SYT9: variants seen among roughly 807,000 people sequenced by gnomAD.
SYT9 encodes synaptotagmin 9.
Under a neutral mutation model 48.4 loss-of-function variants are expected in SYT9, and 22 were observed. The ratio of observed to expected loss-of-function variants is 0.45; its 90% confidence interval spans 0.32 to 0.65. The LOEUF (loss-of-function observed/expected upper bound fraction) is 0.65, where lower values mean the gene tolerates loss of function less well. SYT9 is among the 30% of genes least tolerant of loss of function. The pLI, the probability that SYT9 is intolerant of heterozygous loss-of-function variation, is 0.03. For missense variants in SYT9, 577 were observed against 622.0 expected, an observed-to-expected ratio of 0.93 and a Z score of 0.77; for synonymous variants, 265 against 245.0, an observed-to-expected ratio of 1.08 and a Z score of -0.76.
Position 7,397,105 on chromosome 11 carries a change from T to G in SYT9, c.1045-18937T>G, listed in dbSNP as rs139946088. On this transcript the variant is annotated intron_variant, in intron 3 of 6. Coordinates refer to ENST00000318881, the MANE Select transcript of SYT9 (RefSeq NM_175733.4). The stretch of plus-strand genomic sequence containing the variant: ...ATCGTGGACATTTTCTCCTATGTTT[T>G]CTTGTAGAAGATTCATAGTTTTACT... Among the ~76,000 whole-genome samples the G allele has an allele frequency of 2.0e-5, 3 of 152,292 alleles. No individual in the cohort carries two copies. In the East Asian group the frequency reaches 5.8e-4, roughly 29 times the overall value.
chr11:7,360,890 A>T (rs183367661), intron 3 of SYT9, among the ~76,000 whole-genome samples: 1 of 152,250 alleles, frequency 6.6e-6, no homozygotes, highest in East Asian at 1.9e-4. Context: ...TAATAGTTAT[A>T]ATTTTTTCAA....
rs1303557397 is a variant in SYT9, at chr11:7,303,306, T to C, written c.413T>C (p.Leu138Pro). Reference protein sequence around the residue: ...KISHTSPDIPLSTQTGIQENC... With the variant: ...KISHTSPDIPPSTQTGIQENC... The stretch of plus-strand genomic sequence containing the variant: ...AGCCACACCTCCCCTGACATTCCCC[T>C]CTCCACCCAGACGGGGATCCAGGAG... Residue 138 changes from leucine to proline, a missense_variant, in exon 2 of 7, where the codon CTC (leucine) becomes CCC (proline). By Grantham distance (98) the Leu-to-Pro change is moderately conservative (BLOSUM62 -3). Transcript: ENST00000318881. The C allele has an allele frequency of 3.7e-6, 6 of 1,613,744 alleles. No homozygotes were observed. The African/African-American group carries it at 5.3e-5, about 14-fold the overall frequency.
At chr11:7,326,484 C>T (rs75810278) in intron 3 of SYT9, among the ~76,000 whole-genome samples, 66,330 of 143,312 alleles carry the variant, frequency 0.46, 15,964 homozygotes, top group East Asian at 0.91. Flanking sequence ...TTTTATTGTG[C>T]CTATTTGATT....
intron 5 of SYT9, among the ~76,000 whole-genome samples, chr11:7,420,125 A>G (rs917697676): frequency 2.0e-5 from 3 of 152,156 alleles, no homozygotes; most frequent in Admixed American, 2.0e-4. Context: ...TCCCTCACCC[A>G]TGCTTGGTTG....
intron 3 of SYT9, among the ~76,000 whole-genome samples, chr11:7,413,735 C>T (rs1182912470): frequency 2.0e-5 from 3 of 150,854 alleles, no homozygotes; most frequent in Non-Finnish European, 4.4e-5. Flanking sequence ...GGTAGAGGCA[C>T]ATAGCTGCCT....
At chr11:7,438,648 T>A (rs1046241892) in intron 6 of SYT9, 1 of 152,248 alleles carries the variant, frequency 6.6e-6, no homozygotes, top group African/African-American at 2.4e-5. Context: ...AAAGGGCCCC[T>A]TTTTTCACAT....
At chr11:7,336,892 A>G (rs1849639911) in intron 3 of SYT9, among the ~76,000 whole-genome samples, 1 of 152,150 alleles carries the variant, frequency 6.6e-6, no homozygotes, top group Non-Finnish European at 1.5e-5. Context: ...AAAGAATGTC[A>G]TTGGTAGTTT....
At position 7,303,325 on chromosome 11, in the gene SYT9, C is replaced by G; in HGVS notation, c.432C>G (p.Ile144Met). The change falls in exon 2 of 7, where the codon ATC becomes ATG. Residue 144 changes from isoleucine (I) to methionine (M), a missense_variant. Ile to Met is a conservative substitution (Grantham distance 10, BLOSUM62 1). Transcript: ENST00000318881. Reference sequence around the variant, plus strand: ...TTCCCCTCTCCACCCAGACGGGGATCCAGGAGAACTGTGCCCATGGCGTCC... The same window carrying G: ...TTCCCCTCTCCACCCAGACGGGGATGCAGGAGAACTGTGCCCATGGCGTCC... ...PDIPLSTQTG[I>M]QENCAHGVRV... The G allele has an allele frequency of 6.2e-7, 1 of 1,613,858 alleles. No homozygotes were observed. The highest frequency in any genetic ancestry group is 2.2e-5 in the East Asian group (1 of 44,858).
chr11:7,466,438 A>C (rs1848336278), intron 6 of SYT9, among the ~76,000 whole-genome samples: 1 of 152,070 alleles, frequency 6.6e-6, no homozygotes, highest in Non-Finnish European at 1.5e-5. Flanking sequence ...AAATGTATGA[A>C]TGGGCCAGGC....
At chr11:7,301,255 A>G (rs1287720590) in intron 1 of SYT9, among the ~76,000 whole-genome samples, 8 of 152,236 alleles carry the variant, frequency 5.3e-5, no homozygotes, top group Admixed American at 5.2e-4. Flanking sequence ...TTTCAGTAGA[A>G]GGTGAAGATT....
intron 1 of SYT9, among the ~76,000 whole-genome samples, chr11:7,300,815 A>G (rs1848906003): frequency 6.6e-6 from 1 of 152,072 alleles, no homozygotes; most frequent in Admixed American, 6.5e-5. Flanking sequence ...CTGCACCAGC[A>G]TATTGTCTAC....
intron 3 of SYT9, among the ~76,000 whole-genome samples, chr11:7,405,125 C>T (rs1006406490): frequency 2.0e-5 from 3 of 150,904 alleles, no homozygotes; most frequent in Non-Finnish European, 4.4e-5. Context: ...AATACTCTGC[C>T]ACCCTTTATA....
chr11:7,261,882 C>T (rs1848086975), intron 1 of SYT9, among the ~76,000 whole-genome samples: 1 of 151,996 alleles, frequency 6.6e-6, no homozygotes, highest in African/African-American at 2.4e-5. Flanking sequence ...CCTCTATAAG[C>T]CATTTTAAAA....
chr11:7,390,865 G>A (rs953364449), intron 3 of SYT9, among the ~76,000 whole-genome samples: 4 of 152,052 alleles, frequency 2.6e-5, no homozygotes, highest in Non-Finnish European at 5.9e-5. Flanking sequence ...ACATGTGCAG[G>A]TTTGTTACGA....
rs191998044 is a variant in SYT9 at position 7,437,392 on chromosome 11, A to G, written c.1467+16757A>G. Among the ~76,000 whole-genome samples, 23 of 152,368 alleles carry G rather than the reference A, an allele frequency of 1.5e-4. No individual in the cohort carries two copies. The East Asian group carries it at 4.0e-3, about 27-fold the overall frequency. The stretch of plus-strand genomic sequence containing the variant: ...CTGAAACAAAAGTTTCACGAAATTA[A>G]TAAACATAACGTGATGCACTTTTTA... On this transcript the variant is annotated intron_variant, in intron 6 of 6. Transcript: ENST00000318881.
At chr11:7,393,013 T>C (rs2134063315) in intron 3 of SYT9, among the ~76,000 whole-genome samples, 1 of 152,276 alleles carries the variant, frequency 6.6e-6, no homozygotes, top group African/African-American at 2.4e-5. Flanking sequence ...GACTTAAGGG[T>C]TTTCTAGGTA....
intron 3 of SYT9, among the ~76,000 whole-genome samples, chr11:7,335,082 A>C (rs942911684): frequency 1.3e-5 from 2 of 152,182 alleles, no homozygotes; most frequent in Admixed American, 1.3e-4. Context: ...ATCATTTTAC[A>C]TTTACACCAG....
At chr11:7,393,337 A>G (rs928455882) in intron 3 of SYT9, among the ~76,000 whole-genome samples, 2 of 149,760 alleles carry the variant, frequency 1.3e-5, no homozygotes, top group Non-Finnish European at 3.0e-5. Flanking sequence ...AATTTTATCT[A>G]AAGCTTTCTC....
At chr11:7,260,775 G>A (rs1199977517) in intron 1 of SYT9, among the ~76,000 whole-genome samples, 1 of 152,192 alleles carries the variant, frequency 6.6e-6, no homozygotes, top group Non-Finnish European at 1.5e-5. Flanking sequence ...ATATCACCCT[G>A]AAACCCAACT....
Sources: gnomAD v4.1 joint callset for allele counts (sites outside exome capture counted in the v4.1 genomes callset) on GRCh38, gnomAD v4.1.1 for gene constraint, MANE v1.5 for transcripts, NCBI Gene and HGNC (gene_info 2026-07-23, HGNC 2026-07-21) for gene names.